The following MAF variants were observed in gnomAD, a reference collection of about 807,000 sequenced individuals.
The protein encoded by MAF is MAF bZIP transcription factor, also known as transcription factor Maf.
In MAF, 10 loss-of-function variants were observed where a neutral mutation model predicts 22.0. The ratio of observed to expected loss-of-function variants is 0.45; its 90% CI spans 0.28 to 0.77. MAF has a LOEUF of 0.77. Ranked by LOEUF, MAF falls within the 30% of genes least tolerant of loss-of-function variation. MAF has a pLI of 0.12. For missense variants in MAF, 544 were observed against 548.4 expected, an observed-to-expected ratio of 0.99 and a Z score of 0.08; for synonymous variants, 337 against 255.8, an observed-to-expected ratio of 1.32 and a Z score of -3.03.
the MAF span, among the ~76,000 whole-genome samples, chr16:79,334,163 T>G: frequency 6.6e-6 from 1 of 152,170 alleles, no homozygotes; most frequent in African/African-American, 2.4e-5. Context: ...CATAGCAGCT[T>G]TATTCCTAAA....
At chr16:79,542,083 C>T in the MAF span, among the ~76,000 whole-genome samples, 7 of 152,180 alleles carry the variant, frequency 4.6e-5, no homozygotes, top group Admixed American at 1.3e-4. Flanking sequence ...TGACTCCAAG[C>T]GTTTCAGTCT....
the MAF span, among the ~76,000 whole-genome samples, chr16:79,363,652 G>A: frequency 9.2e-5 from 14 of 152,198 alleles, no homozygotes; most frequent in East Asian, 1.4e-3. Flanking sequence ...ACAATACAAC[G>A]AAATTGGTAC....
chr16:79,479,426 A>T, the MAF span, among the ~76,000 whole-genome samples: 21 of 152,312 alleles, frequency 1.4e-4, no homozygotes, highest in African/African-American at 5.1e-4. Context: ...TGTTTGACTG[A>T]GCATCCGTTT....
chr16:79,556,420 G>A, the MAF span, among the ~76,000 whole-genome samples: 1 of 152,182 alleles, frequency 6.6e-6, no homozygotes, highest in African/African-American at 2.4e-5. Context: ...ACTGTAGAAA[G>A]AGAGTTGTAT....
At position 79,599,787 on chromosome 16, in the gene MAF, G is replaced by T. The variant is rs1358640209; in HGVS notation, c.116C>A (p.Thr39Asn). The change falls in exon 1 of 2, where the codon ACC becomes AAC. Residue 39 changes from threonine (T) to asparagine (N), a missense_variant. Coordinates refer to ENST00000326043, the MANE Select transcript of MAF (RefSeq NM_005360.5). Reference protein sequence around the residue: ...KFEVKKEPVETDRIISQCGRL... With the variant: ...KFEVKKEPVENDRIISQCGRL... The stretch of plus-strand genomic sequence containing the variant: ...GCCGCACTGGCTGATGATGCGGTCG[G>T]TCTCCACCGGTTCCTTTTTCACTTC... 4 of 1,612,992 alleles carry T rather than the reference G, an allele frequency of 2.5e-6. No individual in the cohort carries two copies. Among genetic ancestry groups the T allele is most frequent in the Admixed American group, 3.3e-5 (2 of 60,008 alleles).
At chr16:79,482,368 C>A in the MAF span, among the ~76,000 whole-genome samples, 4 of 152,168 alleles carry the variant, frequency 2.6e-5, no homozygotes, top group African/African-American at 9.7e-5. Context: ...GGCTTACCAC[C>A]GCCTTCTGCC....
the MAF span, among the ~76,000 whole-genome samples, chr16:79,341,967 T>G: frequency 6.6e-6 from 1 of 152,258 alleles, no homozygotes; most frequent in East Asian, 1.9e-4. Context: ...CTGCTACTGC[T>G]GCTGCTACAA....
chr16:79,376,394 T>C, the MAF span, among the ~76,000 whole-genome samples: 1 of 152,144 alleles, frequency 6.6e-6, no homozygotes, highest in African/African-American at 2.4e-5. Context: ...TATTTTTTCA[T>C]TGCAAAAGTT....
the MAF span, among the ~76,000 whole-genome samples, chr16:79,574,779 A>G: frequency 1.3e-5 from 2 of 152,180 alleles, no homozygotes; most frequent in African/African-American, 2.4e-5. Context: ...TTGCTTATAA[A>G]GAATAGCATT....
the MAF span, among the ~76,000 whole-genome samples, chr16:79,415,132 T>C: frequency 3.3e-5 from 5 of 152,208 alleles, no homozygotes; most frequent in South Asian, 8.3e-4. Context: ...AGCTCTAACA[T>C]TGTCCTCAAC....
At chr16:79,298,223 G>A in the MAF span, among the ~76,000 whole-genome samples, 2 of 152,218 alleles carry the variant, frequency 1.3e-5, no homozygotes, top group Non-Finnish European at 2.9e-5. Context: ...CCCAGGAAAG[G>A]AGATGTGGCA....
At chr16:79,559,890 T>A in the MAF span, among the ~76,000 whole-genome samples, 1 of 152,202 alleles carries the variant, frequency 6.6e-6, no homozygotes, top group African/African-American at 2.4e-5. Flanking sequence ...TGTTGTGTTG[T>A]GTTTCTCTCC....
At chr16:79,255,385 G>A in the MAF span, among the ~76,000 whole-genome samples, 1 of 152,212 alleles carries the variant, frequency 6.6e-6, no homozygotes, top group African/African-American at 2.4e-5. Flanking sequence ...CGTTTTGGGA[G>A]ACAGCTACCT....
At chr16:79,381,708 G>C in the MAF span, among the ~76,000 whole-genome samples, 1 of 152,158 alleles carries the variant, frequency 6.6e-6, no homozygotes, top group Non-Finnish European at 1.5e-5. Flanking sequence ...TTCTCTTGGA[G>C]AGATTCCTTC....
the MAF span, among the ~76,000 whole-genome samples, chr16:79,346,762 CTTGACAG>C: frequency 6.6e-6 from 1 of 152,184 alleles, no homozygotes; most frequent in South Asian, 2.1e-4. Context: ...ACAACAAGAA[CTTGACAG>C]GGGCATCACG....
the MAF span, among the ~76,000 whole-genome samples, chr16:79,316,677 C>T: frequency 6.6e-6 from 1 of 152,098 alleles, no homozygotes. Context: ...AGAAATGTTA[C>T]TGGGGGAAGG....
chr16:79,403,957 G>A, the MAF span, among the ~76,000 whole-genome samples: 40 of 152,108 alleles, frequency 2.6e-4, no homozygotes, highest in African/African-American at 8.0e-4. Flanking sequence ...TTTGGGCAAA[G>A]TGGAGGAGGG....
downstream of MAF, among the ~76,000 whole-genome samples, chr16:79,582,465 G>A (rs79201802): frequency 6.6e-6 from 1 of 152,272 alleles, no homozygotes; most frequent in African/African-American, 2.4e-5. Flanking sequence ...GTACCCCAGA[G>A]TTGACTGAAA....
At chr16:79,252,034 G>A in the MAF span, among the ~76,000 whole-genome samples, 3 of 152,228 alleles carry the variant, frequency 2.0e-5, no homozygotes, top group African/African-American at 7.2e-5. Context: ...GCATCCTTTG[G>A]AAACCCACTG....
Sources: gnomAD v4.1 joint callset for allele counts (sites outside exome capture counted in the v4.1 genomes callset) on GRCh38, gnomAD v4.1.1 for gene constraint, MANE v1.5 for transcripts, NCBI Gene and HGNC (gene_info 2026-07-23, HGNC 2026-07-21) for gene names.